Variants in MACROD2 observed in about 807,000 individuals in gnomAD.
The protein encoded by MACROD2 is ADP-ribose glycohydrolase MACROD2.
Under a neutral mutation model 70.4 loss-of-function variants are expected in MACROD2, and 36 were observed. The ratio of observed to expected loss-of-function variants is 0.51; its 90% CI spans 0.39 to 0.68. The LOEUF (loss-of-function observed/expected upper bound fraction) is 0.68, where lower values mean the gene tolerates loss of function less well. Ranked by LOEUF, MACROD2 falls within the 30% of genes least tolerant of loss-of-function variation. The probability of loss-of-function intolerance (pLI) is 0.00; values close to 1 mark genes in which losing one functional copy is unlikely to be tolerated. For missense variants in MACROD2, 496 were observed against 538.4 expected (o/e 0.92, Z 0.78); for synonymous variants, 172 against 178.8 (o/e 0.96, Z 0.30).
At chr20:14,293,866 A>G (rs570301182) in intron 3 of MACROD2, among the ~76,000 whole-genome samples, 5 of 152,058 alleles carry the variant, frequency 3.3e-5, no homozygotes, top group African/African-American at 4.8e-5. Context: ...TAGGTAAAAT[A>G]TCTGCCATTG....
chr20:15,173,087 A>C (rs1601174789), intron 5 of MACROD2, among the ~76,000 whole-genome samples: 1 of 152,114 alleles, frequency 6.6e-6, no homozygotes, highest in East Asian at 1.9e-4. Context: ...TGTGTGTTAA[A>C]CTTTTTTTAT....
At chr20:14,585,039 T>A (rs1303441712) in intron 4 of MACROD2, among the ~76,000 whole-genome samples, 1 of 152,196 alleles carries the variant, frequency 6.6e-6, no homozygotes, top group South Asian at 2.1e-4. Flanking sequence ...GGTGCCAGTA[T>A]CCTTAGTTGT....
intron 6 of MACROD2, among the ~76,000 whole-genome samples, chr20:15,386,017 G>T (rs1011170170): frequency 6.6e-6 from 1 of 152,212 alleles, no homozygotes; most frequent in East Asian, 1.9e-4. Context: ...AAAGCTGCTC[G>T]GTTTCAGTCT....
At chr20:14,371,361 C>T (rs1047688544) in intron 3 of MACROD2, among the ~76,000 whole-genome samples, 2 of 151,954 alleles carry the variant, frequency 1.3e-5, no homozygotes, top group African/African-American at 4.8e-5. Context: ...GTGGTGTGTG[C>T]CTGTAGTCTC....
intron 4 of MACROD2, among the ~76,000 whole-genome samples, chr20:14,557,148 G>T (rs1303544535): frequency 6.6e-6 from 1 of 151,854 alleles, no homozygotes; most frequent in African/African-American, 2.4e-5. Flanking sequence ...TTGACAAATG[G>T]TACTGGGTTA....
chr20:14,986,232 A>C (rs2122854360), intron 5 of MACROD2, among the ~76,000 whole-genome samples: 1 of 152,280 alleles, frequency 6.6e-6, no homozygotes, highest in Admixed American at 6.5e-5. Flanking sequence ...GATTTCAGGA[A>C]GAAATAAGGG....
intron 8 of MACROD2, among the ~76,000 whole-genome samples, chr20:15,619,000 G>C (rs2049085575): frequency 6.6e-6 from 1 of 152,142 alleles, no homozygotes; most frequent in South Asian, 2.1e-4. Flanking sequence ...AACTGAAGCT[G>C]TCCTCTTGCA....
chr20:14,870,426 T>A (rs1463910004), intron 5 of MACROD2, among the ~76,000 whole-genome samples: 2 of 152,156 alleles, frequency 1.3e-5, no homozygotes, highest in Admixed American at 6.5e-5. Context: ...GTCTTTATGA[T>A]AGAATGATTT....
intron 8 of MACROD2, among the ~76,000 whole-genome samples, chr20:15,640,827 C>A (rs980811229): frequency 6.6e-6 from 1 of 152,126 alleles, no homozygotes; most frequent in African/African-American, 2.4e-5. Context: ...GCAAACAGAC[C>A]CGGGTGGGCT....
At chr20:14,718,316 A>AAAAAAG (rs1363357896) in intron 5 of MACROD2, among the ~76,000 whole-genome samples, 2 of 150,806 alleles carry the variant, frequency 1.3e-5, no homozygotes, top group East Asian at 3.9e-4. Flanking sequence ...AAAAAAAAAA[A>AAAAAAG]AAGAAGAGAT....
chr20:14,459,907 G>T (rs1305437248), intron 3 of MACROD2, among the ~76,000 whole-genome samples: 1 of 152,010 alleles, frequency 6.6e-6, no homozygotes, highest in Non-Finnish European at 1.5e-5. Context: ...CCTGGTGTTT[G>T]ATGTTCCCTT....
chr20:15,867,672 G>A lies in MACROD2; in HGVS notation c.727+4846G>A, dbSNP rs528455434. Reference sequence around the variant, plus strand: ...AAAAAGAAAAGAAAAGACAATTCCCGATCTGGAATGTGGAAGTCATTTTTT... The same window carrying A: ...AAAAAGAAAAGAAAAGACAATTCCCAATCTGGAATGTGGAAGTCATTTTTT... On this transcript the variant is annotated intron_variant, in intron 9 of 17. Coordinates refer to ENST00000684519, the MANE Select transcript of MACROD2 (RefSeq NM_001351661.2). 1.1e-4 allele frequency among the ~76,000 whole-genome samples: 16 copies of A among 152,198 alleles called. No homozygotes were observed. The South Asian group carries it at 1.7e-3, about 16-fold the overall frequency.
chr20:14,197,589 G>A (rs1417198522), intron 3 of MACROD2, among the ~76,000 whole-genome samples: 1 of 152,068 alleles, frequency 6.6e-6, no homozygotes, highest in Non-Finnish European at 1.5e-5. Flanking sequence ...CCAACATGGT[G>A]AAACCCTGTC....
chr20:14,202,649 A>T (rs966321324), intron 3 of MACROD2, among the ~76,000 whole-genome samples: 3 of 152,236 alleles, frequency 2.0e-5, no homozygotes, highest in Admixed American at 2.0e-4. Context: ...AGAAGAAAAG[A>T]AGTGCTATAA....
At chr20:14,109,180 A>C (rs1205846877) in intron 3 of MACROD2, among the ~76,000 whole-genome samples, 1 of 152,092 alleles carries the variant, frequency 6.6e-6, no homozygotes, top group African/African-American at 2.4e-5. Context: ...GGGTCAGTGA[A>C]GAAATTAAGA....
At chr20:15,021,051 CAT>C (rs1360132531) in intron 5 of MACROD2, among the ~76,000 whole-genome samples, 4 of 143,198 alleles carry the variant, frequency 2.8e-5, no homozygotes, top group African/African-American at 1.0e-4. Flanking sequence ...TATGCATACA[CAT>C]GTGCATATGT....
intron 8 of MACROD2, among the ~76,000 whole-genome samples, chr20:15,610,989 A>ATTTTTT (rs1600665066): frequency 1.5e-4 from 12 of 79,862 alleles, no homozygotes; most frequent in African/African-American, 3.1e-4. Context: ...TTAGCCAAAA[A>ATTTTTT]TCTTTTTTTT....
chr20:15,640,354 C>A (rs896978050), intron 8 of MACROD2, among the ~76,000 whole-genome samples: 1 of 152,032 alleles, frequency 6.6e-6, no homozygotes, highest in Admixed American at 6.6e-5. Flanking sequence ...GAGACTGAGA[C>A]AAAGACGGTG....
chr20:14,968,874 T>C (rs770409853), intron 5 of MACROD2, among the ~76,000 whole-genome samples: 14 of 145,710 alleles, frequency 9.6e-5, no homozygotes, highest in Non-Finnish European at 1.6e-4. Context: ...TTCTGTTTGT[T>C]TGTTTTGTTT....
Sources: allele counts gnomAD v4.1 joint callset (sites outside exome capture counted in the v4.1 genomes callset), GRCh38; gene constraint gnomAD v4.1.1; transcripts MANE v1.5; gene names NCBI Gene and HGNC (gene_info 2026-07-23, HGNC 2026-07-21).